EFHC2: variants seen among roughly 807,000 people sequenced by gnomAD.
EFHC2 encodes EF-hand domain-containing family member C2.
In EFHC2, 18 loss-of-function variants were observed where a neutral mutation model predicts 52.7. That is an observed-to-expected ratio of 0.34 (90% confidence interval 0.24 to 0.51). EFHC2 has a LOEUF of 0.51. Among genes scored for constraint, EFHC2 ranks in the 20% least tolerant of loss-of-function variants. The pLI, the probability that EFHC2 is intolerant of heterozygous loss-of-function variation, is 0.97. For missense variants in EFHC2, 513 were observed against 562.5 expected (o/e 0.91, Z 0.89); for synonymous variants, 203 against 204.1 (o/e 0.99, Z 0.04).
chrX:44,171,622 A>C (rs1026660723), intron 13 of EFHC2, among the ~76,000 whole-genome samples: 9 of 111,663 alleles, frequency 8.1e-5, no homozygotes, highest in African/African-American at 2.9e-4. Flanking sequence ...TTATCTCTAA[A>C]TAGTCATGCC....
At chrX:44,257,798 T>C (rs775500779) in intron 4 of EFHC2, among the ~76,000 whole-genome samples, 10 of 111,971 alleles carry the variant, frequency 8.9e-5, no homozygotes, top group East Asian at 8.4e-4. Context: ...ACATTTTATA[T>C]AGAACCAAAA....
chrX:44,297,329 T>C (rs1316864880), intron 2 of EFHC2, among the ~76,000 whole-genome samples: 2 of 111,020 alleles, frequency 1.8e-5, no homozygotes, highest in African/African-American at 6.6e-5. Flanking sequence ...CCCTAGACAC[T>C]GCACACAGAG....
chrX:44,168,777 C>T (rs2036720142), intron 13 of EFHC2, among the ~76,000 whole-genome samples: 1 of 110,356 alleles, frequency 9.1e-6, no homozygotes, highest in African/African-American at 3.3e-5. Flanking sequence ...CCATCACAAC[C>T]TCCCTCCTAT....
intron 13 of EFHC2, among the ~76,000 whole-genome samples, chrX:44,167,071 C>T (rs1236783082): frequency 3.6e-5 from 4 of 111,917 alleles, no homozygotes; most frequent in Non-Finnish European, 7.5e-5. Context: ...ACAAGCTAAA[C>T]TCCTTATCAG....
rs773680820 is a variant in EFHC2, at chrX:44,321,402, C to G, written c.43-8646G>C. ...TGGATATGGGAGTCTGAAGTTCAAG[C>G]AAGAAGTCGAGGCTGGATATAAAAA... On this transcript the variant is annotated intron_variant, in intron 1 of 14. Coordinates refer to ENST00000420999, the MANE Select transcript of EFHC2 (RefSeq NM_025184.4). Among the ~76,000 whole-genome samples the G allele has an allele frequency of 7.2e-5, 8 of 111,033 alleles. No homozygotes were observed. The South Asian group carries it at 3.1e-3, about 43-fold the overall frequency.
intron 14 of EFHC2, among the ~76,000 whole-genome samples, chrX:44,149,635 C>T (rs953978446): frequency 4.5e-5 from 5 of 111,482 alleles, no homozygotes; most frequent in African/African-American, 1.6e-4. Flanking sequence ...CATGCCTCAG[C>T]CTCCCGAGTA....
rs375318736 is a variant in EFHC2 at position 44,307,647 on chromosome X, C to T, written c.231+4921G>A. ...TAAAGGCAGATTAATTCAAAGTAGC[C>T]GTATTAAGAATATTTGTTTATCATG... On this transcript the variant is annotated intron_variant, in intron 2 of 14. Transcript: ENST00000420999. Among the ~76,000 whole-genome samples the T allele has an allele frequency of 1.4e-4, 16 of 111,623 alleles. No homozygotes were observed. In the East Asian group the frequency reaches 1.7e-3, roughly 12 times the overall value.
At chrX:44,227,250 A>T (rs1183462258) in intron 11 of EFHC2, among the ~76,000 whole-genome samples, 2 of 111,706 alleles carry the variant, frequency 1.8e-5, no homozygotes, top group Non-Finnish European at 3.8e-5. Flanking sequence ...TAGTAAAAGC[A>T]CTGAGCAAAG....
chrX:44,262,574 A>G lies in EFHC2; in HGVS notation c.383-1276T>C, dbSNP rs904637549. On this transcript the variant is annotated intron_variant, in intron 3 of 14. Coordinates refer to ENST00000420999, the MANE Select transcript of EFHC2 (RefSeq NM_025184.4). ...AAAGAAAAAAGAATTTGAAAAAAAGAAAAAAGGGTTTGAGATTTTATCCTA... is the reference window on the plus strand; with the variant it reads ...AAAGAAAAAAGAATTTGAAAAAAAGGAAAAAGGGTTTGAGATTTTATCCTA... 3.6e-5 allele frequency among the ~76,000 whole-genome samples: 4 copies of G among 109,658 alleles called. No homozygotes were observed. In the Admixed American group the frequency reaches 3.9e-4, roughly 11 times the overall value.
intron 2 of EFHC2, among the ~76,000 whole-genome samples, chrX:44,283,404 T>G (rs191511443): frequency 0.023 from 2,533 of 111,335 alleles, 80 homozygotes; most frequent in African/African-American, 0.077. Flanking sequence ...GGATGGTCTC[T>G]ATCTCCTGAC....
chrX:44,181,349 GAA>G (rs5902341), intron 11 of EFHC2, among the ~76,000 whole-genome samples: 1 of 100,918 alleles, frequency 9.9e-6, no homozygotes, highest in African/African-American at 3.6e-5. Context: ...TTGTCTAAAT[GAA>G]AAAAAAAAAC....
At chrX:44,218,945 C>T (rs1008459919) in intron 11 of EFHC2, among the ~76,000 whole-genome samples, 1 of 110,649 alleles carries the variant, frequency 9.0e-6, no homozygotes, top group Non-Finnish European at 1.9e-5. Context: ...ACCCAGGTAC[C>T]CTTTGGCAGG....
At chrX:44,270,102 A>C (rs1421728687) in intron 3 of EFHC2, among the ~76,000 whole-genome samples, 3 of 111,202 alleles carry the variant, frequency 2.7e-5, no homozygotes, top group African/African-American at 6.6e-5. Context: ...TTTCCTTTCC[A>C]ATCTGGTGGC....
At chrX:44,213,644 G>A (rs2037119606) in intron 11 of EFHC2, among the ~76,000 whole-genome samples, 1 of 112,254 alleles carries the variant, frequency 8.9e-6, no homozygotes, top group Non-Finnish European at 1.9e-5. Context: ...AAATGTCTGG[G>A]TTACAATGAT....
intron 9 of EFHC2, among the ~76,000 whole-genome samples, chrX:44,233,239 A>T (rs2037293539): frequency 8.9e-6 from 1 of 111,765 alleles, no homozygotes; most frequent in Non-Finnish European, 1.9e-5. Flanking sequence ...GTCCCAGATG[A>T]TGTCTTATAC....
At chrX:44,283,850 G>A (rs1422101584) in intron 2 of EFHC2, 5 of 108,906 alleles carry the variant, frequency 4.6e-5, no homozygotes, top group African/African-American at 1.3e-4. Context: ...CTAGAACACC[G>A]AGAACTGTGA....
At position 44,248,360 on chromosome X, in the gene EFHC2, T is replaced by G; in HGVS notation, c.1023A>C (p.Gly341=). ...EFYKDSDLSL[G]VTINVWGRKV... is the part of the protein sequence containing the mutation. Reference sequence around the variant, plus strand: ...TTCTTCCCCACACATTGATGGTGACTCCTAGGGACAGGTCACTATCTTTGT... The same window carrying G: ...TTCTTCCCCACACATTGATGGTGACGCCTAGGGACAGGTCACTATCTTTGT... The change falls in exon 7 of 15, where the codon GGA becomes GGC. Residue 341 remains glycine, a synonymous_variant. Coordinates refer to ENST00000420999, the MANE Select transcript of EFHC2 (RefSeq NM_025184.4). 4.2e-6 allele frequency: 5 copies of G among 1,181,413 alleles called. No individual in the cohort carries two copies. Among genetic ancestry groups the G allele is most frequent in the Non-Finnish European group, 5.7e-6 (5 of 878,656 alleles).
At chrX:44,312,158 C>T (rs967102922) in intron 2 of EFHC2, among the ~76,000 whole-genome samples, 38 of 112,052 alleles carry the variant, frequency 3.4e-4, no homozygotes, top group African/African-American at 1.1e-3. Flanking sequence ...AGGAGGAATA[C>T]GTTTAAGAGA....
intron 2 of EFHC2, among the ~76,000 whole-genome samples, chrX:44,296,659 A>G (rs780724998): frequency 1.8e-5 from 2 of 112,210 alleles, no homozygotes; most frequent in South Asian, 7.4e-4. Context: ...GACTGCTATT[A>G]GTTCAGAATA....
Sources: gnomAD v4.1 joint callset for allele counts (sites outside exome capture counted in the v4.1 genomes callset) on GRCh38, gnomAD v4.1.1 for gene constraint, MANE v1.5 for transcripts, NCBI Gene and HGNC (gene_info 2026-07-23, HGNC 2026-07-21) for gene names.